Variants in CACNB2 observed in about 807,000 individuals in gnomAD.
CACNB2 encodes the protein voltage-dependent L-type calcium channel subunit beta-2.
CACNB2 carries 42 observed loss-of-function variants against 73.3 expected under a neutral mutation model. The observed-to-expected ratio is 0.57, with a 90% CI of 0.45 to 0.74. The LOEUF is 0.74. Among genes scored for constraint, CACNB2 ranks in the 30% least tolerant of loss-of-function variants. The pLI, the probability that CACNB2 is intolerant of heterozygous loss-of-function variation, is 0.00. For missense variants in CACNB2, 940 were observed against 853.0 expected, an observed-to-expected ratio of 1.10 and a Z score of -1.27; for synonymous variants, 348 against 310.3, an observed-to-expected ratio of 1.12 and a Z score of -1.28.
intron 2 of CACNB2, among the ~76,000 whole-genome samples, chr10:18,171,041 G>C (rs552990177): frequency 6.6e-6 from 1 of 152,132 alleles, no homozygotes; most frequent in Non-Finnish European, 1.5e-5. Context: ...ATCATTAAAC[G>C]CACACTCTGC....
intron 10 of CACNB2, among the ~76,000 whole-genome samples, chr10:18,530,288 C>T (rs1022560605): frequency 7.9e-5 from 12 of 152,098 alleles, no homozygotes; most frequent in Non-Finnish European, 1.5e-4. Context: ...ATGTGCCAGC[C>T]ATTATTTTGG....
intron 6 of CACNB2, among the ~76,000 whole-genome samples, chr10:18,507,801 A>T (rs1253944806): frequency 6.6e-6 from 1 of 152,238 alleles, no homozygotes; most frequent in Non-Finnish European, 1.5e-5. Context: ...GAGTTGTACA[A>T]CTATGCAGAA....
At chr10:18,233,105 G>A (rs2036286676) in intron 2 of CACNB2, among the ~76,000 whole-genome samples, 1 of 152,152 alleles carries the variant, frequency 6.6e-6, no homozygotes, top group South Asian at 2.1e-4. Flanking sequence ...ATAGTTTAGA[G>A]AGCTTGAGAA....
At chr10:18,416,761 G>T (rs927432927) in intron 3 of CACNB2, among the ~76,000 whole-genome samples, 1 of 152,078 alleles carries the variant, frequency 6.6e-6, no homozygotes, top group Non-Finnish European at 1.5e-5. Flanking sequence ...GTTTCACAGC[G>T]GCTCAGTGTT....
chr10:18,532,913 G>C (rs1362675379), intron 10 of CACNB2: 2 of 151,458 alleles, frequency 1.3e-5, no homozygotes, highest in African/African-American at 4.9e-5. Flanking sequence ...GTGGCCCAAT[G>C]TTATTTTAAA....
intron 3 of CACNB2, among the ~76,000 whole-genome samples, chr10:18,497,505 G>C (rs1446304331): frequency 1.3e-5 from 2 of 152,106 alleles, no homozygotes; most frequent in Non-Finnish European, 2.9e-5. Context: ...CTGCAGCATA[G>C]ACCCCCTGGG....
chr10:18,490,706 A>G (rs1294641946), intron 3 of CACNB2, among the ~76,000 whole-genome samples: 1 of 152,186 alleles, frequency 6.6e-6, no homozygotes, highest in East Asian at 1.9e-4. Flanking sequence ...TTTCAATAGA[A>G]TTCCGCAACA....
chr10:18,463,191 C>T (rs1406538417), intron 3 of CACNB2, among the ~76,000 whole-genome samples: 1 of 152,178 alleles, frequency 6.6e-6, no homozygotes, highest in Non-Finnish European at 1.5e-5. Flanking sequence ...TCTCCTTCTT[C>T]CCTCCTGTTA....
In CACNB2 at chr10:18,308,422, A is replaced by G. The variant is rs117959347; in HGVS notation, c.214-93502A>G. Among the ~76,000 whole-genome samples the G allele has an allele frequency of 6.9e-3, 1,052 of 152,330 alleles. 4 individuals carry two copies. Among genetic ancestry groups the G allele is most frequent in the Non-Finnish European group, 0.011 (759 of 68,036 alleles). On this transcript the variant is annotated intron_variant, in intron 2 of 13. Transcript: ENST00000324631. ...TTTCCGTCATCCACGTAATAAGCAT[A>G]GTGCCCTCTAGGCGATTTTTCAATC...
At chr10:18,187,191 G>A (rs1036677007) in intron 2 of CACNB2, among the ~76,000 whole-genome samples, 1 of 152,204 alleles carries the variant, frequency 6.6e-6, no homozygotes, top group Non-Finnish European at 1.5e-5. Context: ...AGGAAGGCCA[G>A]TGAGTCTGGG....
chr10:18,192,243 C>T (rs1445475124), intron 2 of CACNB2, among the ~76,000 whole-genome samples: 2 of 151,966 alleles, frequency 1.3e-5, no homozygotes, highest in African/African-American at 4.8e-5. Context: ...CTGTACCAGG[C>T]AGGCCTGAGT....
chr10:18,357,433 C>G (rs2041967602), intron 2 of CACNB2, among the ~76,000 whole-genome samples: 1 of 152,102 alleles, frequency 6.6e-6, no homozygotes, highest in Non-Finnish European at 1.5e-5. Context: ...CTGGCATAAC[C>G]ACACTAGAAA....
chr10:18,420,588 A>G (rs1380458699), intron 3 of CACNB2, among the ~76,000 whole-genome samples: 1 of 152,156 alleles, frequency 6.6e-6, no homozygotes, highest in African/African-American at 2.4e-5. Flanking sequence ...AACAGATTGG[A>G]TCAAGCTCAT....
At chr10:18,214,147 A>AACTGTATGGCATGGCAACAGCTG (rs2035423197) in intron 2 of CACNB2, among the ~76,000 whole-genome samples, 1 of 104,640 alleles carries the variant, frequency 9.6e-6, no homozygotes, top group African/African-American at 2.8e-5. Context: ...TAGAAGTATA[A>AACTGTATGGCATGGCAACAGCTG]GTTCTTCTGA....
intron 3 of CACNB2, among the ~76,000 whole-genome samples, chr10:18,414,578 G>A (rs1318607491): frequency 2.1e-5 from 3 of 144,978 alleles, no homozygotes; most frequent in Admixed American, 7.1e-5. Context: ...TCTGACTCCC[G>A]AGTTCAAGCA....
At chr10:18,399,671 C>T (rs908749857) in intron 2 of CACNB2, among the ~76,000 whole-genome samples, 14 of 152,074 alleles carry the variant, frequency 9.2e-5, no homozygotes, top group Non-Finnish European at 1.6e-4. Flanking sequence ...TCGTGAGCCA[C>T]TGCAGCCAGC....
At chr10:18,244,950 C>G (rs1241521621) in intron 2 of CACNB2, among the ~76,000 whole-genome samples, 1 of 152,076 alleles carries the variant, frequency 6.6e-6, no homozygotes, top group Non-Finnish European at 1.5e-5. Context: ...GTGCAGAGGT[C>G]AGAAGGAAAT....
At chr10:18,351,374 G>T (rs978172181) in intron 2 of CACNB2, among the ~76,000 whole-genome samples, 3 of 152,158 alleles carry the variant, frequency 2.0e-5, no homozygotes, top group African/African-American at 7.2e-5. Context: ...GACTGTGCTA[G>T]AGATCTTTTC....
At chr10:18,331,263 C>A (rs1294155888) in intron 2 of CACNB2, among the ~76,000 whole-genome samples, 1 of 147,914 alleles carries the variant, frequency 6.8e-6, no homozygotes, top group East Asian at 2.0e-4. Context: ...GAATTACAGG[C>A]ATGAGCCACC....
Sources: gnomAD v4.1 joint callset for allele counts (sites outside exome capture counted in the v4.1 genomes callset) on GRCh38, gnomAD v4.1.1 for gene constraint, MANE v1.5 for transcripts, NCBI Gene and HGNC (gene_info 2026-07-23, HGNC 2026-07-21) for gene names.